The following FHIT variants were observed in gnomAD, a reference collection of about 807,000 sequenced individuals.
The protein encoded by FHIT is fragile histidine triad diadenosine triphosphatase, also known as bis(5'-adenosyl)-triphosphatase.
A neutral mutation model predicts 17.9 loss-of-function variants in FHIT; 19 were observed. The ratio of observed to expected loss-of-function variants is 1.06; its 90% CI spans 0.74 to 1.56. The LOEUF (loss-of-function observed/expected upper bound fraction) is 1.56, where lower values mean the gene tolerates loss of function less well. Among genes scored for constraint, FHIT ranks in the 40% most tolerant of loss-of-function variants. FHIT has a pLI of 0.00. For synonymous variants in FHIT, 81 were observed against 69.7 expected (o/e 1.16, Z -0.81); for missense variants, 248 against 189.2 (o/e 1.31, Z -1.82).
chr3:60,112,607 A>G (rs1704725834), intron 5 of FHIT, among the ~76,000 whole-genome samples: 1 of 152,228 alleles, frequency 6.6e-6, no homozygotes, highest in South Asian at 2.1e-4. Context: ...CACATCACAT[A>G]TACACATCTA....
intron 4 of FHIT, among the ~76,000 whole-genome samples, chr3:60,675,289 A>G (rs892188082): frequency 3.3e-5 from 5 of 152,242 alleles, no homozygotes; most frequent in Non-Finnish European, 5.9e-5. Context: ...CTTGAACTTT[A>G]CAAATGATCC....
chr3:60,871,059 G>A (rs548027688), intron 3 of FHIT, among the ~76,000 whole-genome samples: 1 of 152,188 alleles, frequency 6.6e-6, no homozygotes, highest in African/African-American at 2.4e-5. Flanking sequence ...TTTTTAGGAA[G>A]AAAAGGAATC....
intron 3 of FHIT, among the ~76,000 whole-genome samples, chr3:60,944,738 T>G (rs1293451086): frequency 6.6e-6 from 1 of 152,156 alleles, no homozygotes; most frequent in African/African-American, 2.4e-5. Context: ...AAAGGAAGTT[T>G]CCCAATTTTT....
At chr3:59,878,750 G>A (rs192453546) in intron 8 of FHIT, among the ~76,000 whole-genome samples, 8 of 152,268 alleles carry the variant, frequency 5.3e-5, no homozygotes, top group Non-Finnish European at 1.0e-4. Flanking sequence ...ATTGACGAGC[G>A]TTTAGAGAAG....
intron 4 of FHIT, among the ~76,000 whole-genome samples, chr3:60,712,168 A>G (rs1553705297): frequency 6.6e-6 from 1 of 152,156 alleles, no homozygotes; most frequent in Non-Finnish European, 1.5e-5. Context: ...ATATCCAGCC[A>G]AACAAACTAA....
chr3:61,140,290 T>C (rs1446605548), intron 2 of FHIT, among the ~76,000 whole-genome samples: 1 of 152,114 alleles, frequency 6.6e-6, no homozygotes, highest in African/African-American at 2.4e-5. Context: ...ATGAGGAAAA[T>C]GCATTCAGTA....
At chr3:60,741,021 C>A (rs782292624) in intron 4 of FHIT, among the ~76,000 whole-genome samples, 7 of 152,076 alleles carry the variant, frequency 4.6e-5, no homozygotes, top group Non-Finnish European at 8.8e-5. Context: ...TCAATATTAA[C>A]CCAGAAAAAA....
In FHIT at chr3:60,308,297, G is replaced by A. The variant is rs1029230278; in HGVS notation, c.103+228563C>T. 7.8e-4 allele frequency among the ~76,000 whole-genome samples: 119 copies of A among 152,028 alleles called. No individual in the cohort carries two copies. In the Middle Eastern group the frequency reaches 0.01, roughly 13 times the overall value. ...AAAAGTCATCTCAAACTTGGAAAGA[G>A]GCGATTGAGCTTACTGCATTCCTTC... On this transcript the variant is annotated intron_variant, in intron 5 of 9. Coordinates refer to ENST00000492590, the MANE Select transcript of FHIT (RefSeq NM_002012.4).
intron 4 of FHIT, among the ~76,000 whole-genome samples, chr3:60,817,342 G>T (rs1701777771): frequency 6.6e-6 from 1 of 151,896 alleles, no homozygotes; most frequent in Non-Finnish European, 1.5e-5. Flanking sequence ...GAAGACTTAA[G>T]ATTCCATCTG....
At chr3:60,479,616 C>T (rs2033512891) in intron 5 of FHIT, among the ~76,000 whole-genome samples, 1 of 152,148 alleles carries the variant, frequency 6.6e-6, no homozygotes, top group South Asian at 2.1e-4. Context: ...CCCCTGGCTG[C>T]AGATCAGTGC....
intron 5 of FHIT, among the ~76,000 whole-genome samples, chr3:60,327,917 C>T (rs1423064414): frequency 6.6e-6 from 1 of 152,130 alleles, no homozygotes; most frequent in Non-Finnish European, 1.5e-5. Flanking sequence ...CAGACAAGAG[C>T]AAGAGCAGGA....
chr3:61,192,389 T>C (rs2038742483), intron 2 of FHIT, among the ~76,000 whole-genome samples: 1 of 152,216 alleles, frequency 6.6e-6, no homozygotes, highest in African/African-American at 2.4e-5. Flanking sequence ...ATCCTCTCCC[T>C]GCTACACAGT....
intron 5 of FHIT, among the ~76,000 whole-genome samples, chr3:60,149,383 A>G (rs1293700621): frequency 1.3e-5 from 2 of 152,170 alleles, no homozygotes; most frequent in Non-Finnish European, 2.9e-5. Flanking sequence ...ACTGTATTGA[A>G]AACAAAAGGG....
intron 4 of FHIT, among the ~76,000 whole-genome samples, chr3:60,724,458 T>A (rs961904987): frequency 1.3e-5 from 2 of 152,184 alleles, no homozygotes; most frequent in Non-Finnish European, 2.9e-5. Context: ...TACAATTTTT[T>A]TATGCACATA....
At chr3:60,109,525 G>C (rs997372138) in intron 5 of FHIT, among the ~76,000 whole-genome samples, 1 of 152,124 alleles carries the variant, frequency 6.6e-6, no homozygotes, top group African/African-American at 2.4e-5. Flanking sequence ...ACAACCCTTA[G>C]GGTTTATGTT....
intron 4 of FHIT, among the ~76,000 whole-genome samples, chr3:60,759,296 A>G (rs1699553272): frequency 6.6e-6 from 1 of 152,214 alleles, no homozygotes; most frequent in Admixed American, 6.5e-5. Flanking sequence ...CACTTACGCA[A>G]AAGTCTAGAG....
At chr3:60,165,866 G>A (rs978287267) in intron 5 of FHIT, among the ~76,000 whole-genome samples, 3 of 152,148 alleles carry the variant, frequency 2.0e-5, no homozygotes, top group Non-Finnish European at 2.9e-5. Flanking sequence ...AGGGCTGTGT[G>A]TGTATATTTA....
intron 5 of FHIT, among the ~76,000 whole-genome samples, chr3:60,154,651 C>T (rs763122683): frequency 2.0e-4 from 30 of 152,236 alleles, no homozygotes; most frequent in African/African-American, 7.0e-4. Flanking sequence ...TGGTGCTAAA[C>T]CTTCATTAGT....
intron 5 of FHIT, among the ~76,000 whole-genome samples, chr3:60,178,070 G>T (rs1324148312): frequency 2.0e-5 from 3 of 152,156 alleles, no homozygotes; most frequent in African/African-American, 7.2e-5. Context: ...GAAGTGTCCT[G>T]ATTAGCTATT....
Sources: allele counts gnomAD v4.1 joint callset (sites outside exome capture counted in the v4.1 genomes callset), GRCh38; gene constraint gnomAD v4.1.1; transcripts MANE v1.5; gene names NCBI Gene and HGNC (gene_info 2026-07-23, HGNC 2026-07-21).